PHF20: variants seen among roughly 807,000 people sequenced by gnomAD.
PHF20 encodes the protein PHD finger protein 20, also known as glioma-expressed antigen 2.
In PHF20, 23 loss-of-function variants were observed where a neutral mutation model predicts 113.5. The ratio of observed to expected loss-of-function variants is 0.20; its 90% CI spans 0.15 to 0.29. PHF20 has a LOEUF of 0.29. Among genes scored for constraint, PHF20 ranks in the 10% least tolerant of loss-of-function variants. The pLI, the probability that PHF20 is intolerant of heterozygous loss-of-function variation, is 1.00. For missense variants in PHF20, 943 were observed against 1,219.6 expected (o/e 0.77, Z 3.38); for synonymous variants, 434 against 457.3 (o/e 0.95, Z 0.65).
intron 2 of PHF20, among the ~76,000 whole-genome samples, chr20:35,812,073 C>G (rs2041989205): frequency 6.6e-6 from 1 of 151,814 alleles, no homozygotes; most frequent in Non-Finnish European, 1.5e-5. Context: ...GCGCCCGGCC[C>G]CTGCTTTTTA....
At chr20:35,828,564 T>C (rs1171058716) in intron 2 of PHF20, among the ~76,000 whole-genome samples, 1 of 152,230 alleles carries the variant, frequency 6.6e-6, no homozygotes, top group Non-Finnish European at 1.5e-5. Context: ...GCAGCAAGAC[T>C]CTGAGCGGCA....
intron 10 of PHF20, 85 bp from the exon 11 acceptor site, chr20:35,913,164 T>A: frequency 1.4e-6 from 1 of 731,844 alleles, no homozygotes; most frequent in Non-Finnish European, 2.2e-6. Flanking sequence ...GCCAGACCCA[T>A]CGGACATGCT....
chr20:35,904,565 C>G (rs1477275570), intron 10 of PHF20, among the ~76,000 whole-genome samples: 2 of 151,956 alleles, frequency 1.3e-5, no homozygotes, highest in Non-Finnish European at 2.9e-5. Flanking sequence ...GATGGAGATT[C>G]CTGGGGCTTC....
intron 9 of PHF20, among the ~76,000 whole-genome samples, chr20:35,891,266 A>C (rs2054845689): frequency 6.6e-6 from 1 of 151,906 alleles, no homozygotes; most frequent in Non-Finnish European, 1.5e-5. Context: ...AATCCCAGCT[A>C]CTTGGGAGGC....
Position 35,813,957 on chromosome 20 carries a change from A to G in PHF20, c.83+12352A>G, listed in dbSNP as rs868289104. On this transcript the variant is annotated intron_variant, in intron 2 of 17. Coordinates refer to ENST00000374012, the MANE Select transcript of PHF20 (RefSeq NM_016436.5). ...AGAAAAAAAAAAAAAAAAAAAAAAAAGGAAATTGACCTCTGAGGTTGAGGC... is the reference window on the plus strand; with the variant it reads ...AGAAAAAAAAAAAAAAAAAAAAAAAGGGAAATTGACCTCTGAGGTTGAGGC... Among the ~76,000 whole-genome samples, 56 of 145,666 alleles carry G rather than the reference A, an allele frequency of 3.8e-4. 1 individual carries two copies. The Middle Eastern group carries it at 0.014, about 38-fold the overall frequency.
intron 3 of PHF20, among the ~76,000 whole-genome samples, chr20:35,845,678 C>A (rs1360902720): frequency 6.6e-6 from 1 of 152,004 alleles, no homozygotes; most frequent in Non-Finnish European, 1.5e-5. Context: ...TGCCCTTGTG[C>A]CTGGCTAGTT....
rs3829829 is a variant in PHF20, at chr20:35,949,238, G to A, written c.*1611G>A. 14,847 of 152,486 alleles carry A rather than the reference G, an allele frequency of 0.097. 776 individuals carry two copies. The highest frequency in any genetic ancestry group is 0.15 in the South Asian group (744 of 4,824). The allele number at this position is 152,486 out of a possible 1,614,324, so 9.4% of individuals were successfully genotyped here. A position where few individuals can be genotyped will look rare whatever the true frequency, so the allele number is the denominator to read the frequency against. On this transcript the variant is annotated 3_prime_UTR_variant, in exon 18 of 18. Coordinates refer to ENST00000374012, the MANE Select transcript of PHF20 (RefSeq NM_016436.5). Reference sequence around the variant, plus strand: ...CACTGCTAACGTTGGTGTTTCTGGCGTGGGAAGAAATGCACAGGCGTGCAT... The same window carrying A: ...CACTGCTAACGTTGGTGTTTCTGGCATGGGAAGAAATGCACAGGCGTGCAT...
At chr20:35,917,043 C>T in intron 12 of PHF20, 1 of 287,742 alleles carries the variant, frequency 3.5e-6, no homozygotes, top group South Asian at 3.6e-5. Context: ...GTATTAGAGG[C>T]ATGAACCACC....
intron 1 of PHF20, among the ~76,000 whole-genome samples, chr20:35,775,443 A>G (rs963415755): frequency 1.3e-5 from 2 of 152,110 alleles, no homozygotes; most frequent in South Asian, 2.1e-4. Flanking sequence ...TAGTTATTCT[A>G]GCACATAGCT....
rs1007557621 is a variant in PHF20, at chr20:35,950,358, G to A, written c.*2731G>A. On this transcript the variant is annotated 3_prime_UTR_variant, in exon 18 of 18. Transcript: ENST00000374012. ...TCTGTATTTGGAAAAAATAAAACAGGTTCTTGTTGCTATGTTTCAGTTACG... is the reference window on the plus strand; with the variant it reads ...TCTGTATTTGGAAAAAATAAAACAGATTCTTGTTGCTATGTTTCAGTTACG... The A allele has an allele frequency of 1.3e-5, 2 of 152,570 alleles. No homozygotes were observed. Among genetic ancestry groups the A allele is most frequent in the African/African-American group, 4.8e-5 (2 of 41,426 alleles). 9.5% of individuals were successfully genotyped at this position (152,570 alleles called of 1,614,324 possible). A position where few individuals can be genotyped will look rare whatever the true frequency, so the allele number is the denominator to read the frequency against.
At chr20:35,806,515 T>C (rs2041884403) in intron 2 of PHF20, among the ~76,000 whole-genome samples, 2 of 152,132 alleles carry the variant, frequency 1.3e-5, no homozygotes, top group Non-Finnish European at 2.9e-5. Context: ...TATGAACTTG[T>C]ATCTAATTAT....
chr20:35,877,574 C>A (rs948372109), intron 9 of PHF20, among the ~76,000 whole-genome samples: 4 of 150,314 alleles, frequency 2.7e-5, no homozygotes, highest in Non-Finnish European at 5.9e-5. Flanking sequence ...CTCAGCCTCC[C>A]ACTTTCTTTT....
At position 35,938,855 on chromosome 20, in the gene PHF20, G is replaced by T; in HGVS notation, c.2459G>T (p.Arg820Met). 1 of 1,614,186 alleles carries T rather than the reference G, an allele frequency of 6.2e-7. No individual in the cohort carries two copies. The change falls in exon 16 of 18, where the codon AGG becomes ATG. Residue 820 changes from arginine (R) to methionine (M), a missense_variant. By Grantham distance (91) the Arg-to-Met change is moderately conservative. Transcript: ENST00000374012. Reference protein sequence around the residue: ...RTLNGAVEKPRPLALPLPRSV... With the variant: ...RTLNGAVEKPMPLALPLPRSV... ...TTGAACGGGGCAGTGGAGAAGCCCAGGCCCCTGGCCCTGCCCCTGCCGCGT... is the reference window on the plus strand; with the variant it reads ...TTGAACGGGGCAGTGGAGAAGCCCATGCCCCTGGCCCTGCCCCTGCCGCGT...
intron 15 of PHF20, among the ~76,000 whole-genome samples, chr20:35,932,888 T>C (rs947830347): frequency 6.6e-5 from 10 of 152,210 alleles, no homozygotes; most frequent in Admixed American, 5.9e-4. Context: ...AGTATTCTAC[T>C]TTCTGCCTCT....
At chr20:35,779,114 C>G (rs949257736) in intron 1 of PHF20, among the ~76,000 whole-genome samples, 1 of 151,816 alleles carries the variant, frequency 6.6e-6, no homozygotes, top group African/African-American at 2.4e-5. Context: ...CGGCTCACTG[C>G]AACCTCTGCC....
chr20:35,890,654 G>A (rs912352666), intron 9 of PHF20, among the ~76,000 whole-genome samples: 1 of 152,184 alleles, frequency 6.6e-6, no homozygotes, highest in Non-Finnish European at 1.5e-5. Flanking sequence ...GCCGAAGTGG[G>A]CAGATCACCT....
At chr20:35,873,622 C>A (rs1417723202) in intron 9 of PHF20, among the ~76,000 whole-genome samples, 1 of 152,006 alleles carries the variant, frequency 6.6e-6, no homozygotes, top group African/African-American at 2.4e-5. Context: ...GCACCCACCA[C>A]CACAATCGGC....
At position 35,912,402 on chromosome 20, in the gene PHF20, A is replaced by T. The variant is rs2055323849; in HGVS notation, c.1562-847A>T. 2.0e-5 allele frequency among the ~76,000 whole-genome samples: 3 copies of T among 152,210 alleles called. No homozygotes were observed. In the South Asian group the frequency reaches 6.2e-4, roughly 31 times the overall value. ...GAAGGGAGAAGTTTGGACAGGGAGG[A>T]TTGACATCTTAAGGAGTTTTGTTGT... is the stretch of plus-strand genomic sequence containing the variant. On this transcript the variant is annotated intron_variant, in intron 10 of 17. Transcript: ENST00000374012.
chr20:35,907,588 G>A lies in PHF20; in HGVS notation c.1562-5661G>A, dbSNP rs921532584. On this transcript the variant is annotated intron_variant, in intron 10 of 17. Transcript: ENST00000374012. ...CTGACATTTGAGTACTTCATGTGCT[G>A]GGCGCTGTTCCAAGTTCGTTACTTG... Among the ~76,000 whole-genome samples the A allele has an allele frequency of 2.6e-5, 4 of 152,300 alleles. No homozygotes were observed. The East Asian group carries it at 7.7e-4, about 29-fold the overall frequency.
Sources: gnomAD v4.1 joint callset for allele counts (sites outside exome capture counted in the v4.1 genomes callset) on GRCh38, gnomAD v4.1.1 for gene constraint, MANE v1.5 for transcripts, NCBI Gene and HGNC (gene_info 2026-07-23, HGNC 2026-07-21) for gene names.